Variants in WIPF3 observed in about 807,000 individuals in gnomAD.
The protein encoded by WIPF3 is WAS/WASL interacting protein family member 3.
In WIPF3, 33 loss-of-function variants were observed where a neutral mutation model predicts 38.9. The observed-to-expected ratio is 0.85, with a 90% confidence interval of 0.64 to 1.14. The LOEUF (loss-of-function observed/expected upper bound fraction) is 1.14, where lower values mean the gene tolerates loss of function less well. Among genes scored for constraint, WIPF3 ranks in the 50% most tolerant of loss-of-function variants. The pLI, the probability that WIPF3 is intolerant of heterozygous loss-of-function variation, is 0.00. For missense variants in WIPF3, 711 were observed against 652.5 expected, an observed-to-expected ratio of 1.09 and a Z score of -0.98; for synonymous variants, 324 against 269.3, an observed-to-expected ratio of 1.20 and a Z score of -1.99.
chr7:29,839,354 C>T (rs1562774665), intron 2 of WIPF3, among the ~76,000 whole-genome samples: 1 of 152,182 alleles, frequency 6.6e-6, no homozygotes, highest in African/African-American at 2.4e-5. Flanking sequence ...GCTAAAACCA[C>T]TGGGTGAAAG....
At chr7:29,817,892 A>G (rs985686872) in intron 1 of WIPF3, among the ~76,000 whole-genome samples, 16 of 152,286 alleles carry the variant, frequency 1.1e-4, no homozygotes, top group African/African-American at 3.8e-4. Context: ...AGAAAAATCA[A>G]CTTTTGTATG....
intron 1 of WIPF3, among the ~76,000 whole-genome samples, chr7:29,830,865 T>C (rs574100681): frequency 6.6e-6 from 1 of 152,238 alleles, no homozygotes; most frequent in East Asian, 1.9e-4. Flanking sequence ...GTCAAAAAGG[T>C]ATAGAGCCAA....
intron 1 of WIPF3, among the ~76,000 whole-genome samples, chr7:29,822,014 A>G (rs1944797810): frequency 6.6e-6 from 1 of 151,484 alleles, no homozygotes; most frequent in African/African-American, 2.4e-5. Flanking sequence ...TAAGTTAATA[A>G]TTGTATGTCT....
chr7:29,893,389 A>T (rs144302069), intron 7 of WIPF3, among the ~76,000 whole-genome samples: 3 of 152,242 alleles, frequency 2.0e-5, no homozygotes, highest in Non-Finnish European at 4.4e-5. Context: ...CAAGGACTTG[A>T]TTTGCTGGCC....
chr7:29,871,428 G>A (rs1452802449), intron 2 of WIPF3, among the ~76,000 whole-genome samples: 1 of 152,232 alleles, frequency 6.6e-6, no homozygotes, highest in Non-Finnish European at 1.5e-5. Context: ...GGCCACATTG[G>A]AGAAGCTACT....
intron 7 of WIPF3, among the ~76,000 whole-genome samples, chr7:29,896,623 A>AT (rs1000811634): frequency 2.6e-5 from 4 of 151,962 alleles, no homozygotes; most frequent in Admixed American, 6.6e-5. Flanking sequence ...CAAAAAAAAA[A>AT]TTTTTTTTTA....
At chr7:29,850,574 C>T (rs187151191) in intron 2 of WIPF3, among the ~76,000 whole-genome samples, 103 of 152,346 alleles carry the variant, frequency 6.8e-4, no homozygotes, top group African/African-American at 2.2e-3. Flanking sequence ...ATTCTCAAGA[C>T]GTCACAACAT....
chr7:29,820,951 G>A (rs182867538), intron 1 of WIPF3, among the ~76,000 whole-genome samples: 2 of 152,200 alleles, frequency 1.3e-5, no homozygotes, highest in Admixed American at 1.3e-4. Flanking sequence ...ATTAATAGTA[G>A]TTCCATTCCT....
intron 2 of WIPF3, among the ~76,000 whole-genome samples, chr7:29,837,412 T>G (rs944682623): frequency 6.6e-6 from 1 of 152,220 alleles, no homozygotes; most frequent in Non-Finnish European, 1.5e-5. Flanking sequence ...TGAAATCAAC[T>G]ACTTAATATA....
Position 29,823,868 on chromosome 7 carries a change from T to C in WIPF3, c.-57-10800T>C, listed in dbSNP as rs565744629. ...ACTGTTCCCACTTTGCCTTCTGCCA[T>C]GAGTAAACGTTCCCTGAGGCCTCCC... is the stretch of plus-strand genomic sequence containing the variant. On this transcript the variant is annotated intron_variant, in intron 1 of 8. Transcript: ENST00000242140. This position sits in a 1 kb window ranked among gnomAD's most constrained non-coding sequence, Gnocchi z 4.0. 3.9e-5 allele frequency among the ~76,000 whole-genome samples: 6 copies of C among 152,200 alleles called. No homozygotes were observed. Among genetic ancestry groups the C allele is most frequent in the Non-Finnish European group, 8.8e-5 (6 of 68,034 alleles).
At chr7:29,894,919 G>GT (rs60160111) in intron 7 of WIPF3, among the ~76,000 whole-genome samples, 54,171 of 146,012 alleles carry the variant, frequency 0.37, 10,920 homozygotes, top group East Asian at 0.77. Flanking sequence ...GTGTGTTGTT[G>GT]TTTTTTTTTG....
At position 29,821,836 on chromosome 7, in the gene WIPF3, C is replaced by T. The variant is rs1489614112; in HGVS notation, c.-57-12832C>T. Among the ~76,000 whole-genome samples, 4 of 152,120 alleles carry T rather than the reference C, an allele frequency of 2.6e-5. No homozygotes were observed. In the East Asian group the frequency reaches 7.7e-4, roughly 29 times the overall value. On this transcript the variant is annotated intron_variant, in intron 1 of 8. Transcript: ENST00000242140. ...TCCTCCATGGTACTCAGTGTGTTTT[C>T]AACAATACCTGTTTTCTTTGGGCTT...
At chr7:29,902,564 A>C (rs192305538) in intron 7 of WIPF3, among the ~76,000 whole-genome samples, 10 of 152,246 alleles carry the variant, frequency 6.6e-5, no homozygotes, top group African/African-American at 2.4e-4. Context: ...TTGGCCAGGC[A>C]TGGTGGCTCA....
chr7:29,847,430 A>G (rs1785017932), intron 2 of WIPF3, among the ~76,000 whole-genome samples: 1 of 152,236 alleles, frequency 6.6e-6, no homozygotes, highest in African/African-American at 2.4e-5. Context: ...AAAGAGGCCA[A>G]TTAACAGGAG....
intron 1 of WIPF3, among the ~76,000 whole-genome samples, chr7:29,813,818 C>T (rs796563178): frequency 1.8e-4 from 28 of 152,270 alleles, no homozygotes; most frequent in African/African-American, 6.0e-4. Context: ...ATAGTCGCTT[C>T]TCATCTCCCT....
At chr7:29,835,959 A>C (rs1008121934) in intron 2 of WIPF3, among the ~76,000 whole-genome samples, 2 of 152,178 alleles carry the variant, frequency 1.3e-5, no homozygotes, top group African/African-American at 4.8e-5. Flanking sequence ...GCATGACCAC[A>C]GGCCCTGGTG....
chr7:29,855,319 C>T (rs996792872), intron 2 of WIPF3, among the ~76,000 whole-genome samples: 3 of 152,194 alleles, frequency 2.0e-5, no homozygotes, highest in African/African-American at 7.2e-5. Context: ...GTTCTGTCTA[C>T]TGTTTAGAAA....
At chr7:29,886,945 A>T (rs887105821) in intron 5 of WIPF3, among the ~76,000 whole-genome samples, 1 of 152,238 alleles carries the variant, frequency 6.6e-6, no homozygotes, top group African/African-American at 2.4e-5. Flanking sequence ...CTTTTACTGC[A>T]TGTGGGAGCA....
intron 8 of WIPF3, 59 bp from the exon 9 acceptor site, chr7:29,914,434 G>A: frequency 7.3e-7 from 1 of 1,365,958 alleles, no homozygotes; most frequent in Non-Finnish European, 9.7e-7. Context: ...GAGGAGGAAG[G>A]CTTTCATGTG....
Sources: allele counts gnomAD v4.1 joint callset (sites outside exome capture counted in the v4.1 genomes callset), GRCh38; gene constraint gnomAD v4.1.1; non-coding constraint Gnocchi (gnomAD v3.1); transcripts MANE v1.5; gene names NCBI Gene and HGNC (gene_info 2026-07-23, HGNC 2026-07-21).